The following RGS6 variants were observed in gnomAD, a reference collection of about 807,000 sequenced individuals.
The protein encoded by RGS6 is regulator of G-protein signaling 6.
Under a neutral mutation model 78.5 loss-of-function variants are expected in RGS6, and 30 were observed. The observed-to-expected ratio is 0.38, with a 90% CI of 0.29 to 0.52. The LOEUF (loss-of-function observed/expected upper bound fraction) is 0.52. Among genes scored for constraint, RGS6 ranks in the 20% least tolerant of loss-of-function variants. RGS6 has a pLI of 0.85. For synonymous variants in RGS6, 206 were observed against 206.0 expected, an observed-to-expected ratio of 1.00 and a Z score of 0.00; for missense variants, 495 against 609.7, an observed-to-expected ratio of 0.81 and a Z score of 1.98.
intron 3 of RGS6, among the ~76,000 whole-genome samples, chr14:72,414,965 G>A (rs59042247): frequency 0.021 from 3,219 of 152,184 alleles, 51 homozygotes; most frequent in Non-Finnish European, 0.032. Context: ...TGCCCCTACT[G>A]GGGGGGTGCC....
chr14:71,964,220 G>A (rs1314671275), intron 1 of RGS6, among the ~76,000 whole-genome samples: 1 of 152,194 alleles, frequency 6.6e-6, no homozygotes, highest in Non-Finnish European at 1.5e-5. Flanking sequence ...ATTTAAGACT[G>A]CCGTGGCTGG....
chr14:72,021,297 C>T (rs935738289), intron 2 of RGS6, among the ~76,000 whole-genome samples: 2 of 152,146 alleles, frequency 1.3e-5, no homozygotes, highest in African/African-American at 4.8e-5. Flanking sequence ...GTGCCAGCCT[C>T]CTCAATGATC....
intron 2 of RGS6, among the ~76,000 whole-genome samples, chr14:72,241,377 C>G (rs1310207366): frequency 6.6e-6 from 1 of 152,170 alleles, no homozygotes. Flanking sequence ...ATCCAGCTCT[C>G]CAGACAATAG....
intron 6 of RGS6, among the ~76,000 whole-genome samples, chr14:72,461,409 G>A (rs2095777722): frequency 3.3e-5 from 5 of 152,130 alleles, no homozygotes; most frequent in Admixed American, 3.3e-4. Context: ...TTTTAATTGT[G>A]CATCATGAAC....
In RGS6 at chr14:72,167,207, C is replaced by T. The variant is rs112027672; in HGVS notation, c.85-184888C>T. On this transcript the variant is annotated intron_variant, in intron 2 of 17. Transcript: ENST00000553525. ...TTGGTAGAATTCAGTTCCCTTAGGA[C>T]GGTTGGACTGGGGGGCCTCAGCTCC... Among the ~76,000 whole-genome samples the T allele has an allele frequency of 2.9e-3, 444 of 152,310 alleles. 1 individual carries two copies. Among genetic ancestry groups the T allele is most frequent in the African/African-American group, 9.9e-3 (411 of 41,570 alleles).
At chr14:71,901,354 C>T in the RGS6 span, among the ~76,000 whole-genome samples, 21 of 152,238 alleles carry the variant, frequency 1.4e-4, no homozygotes, top group East Asian at 3.3e-3. Flanking sequence ...TTTCTCTTAG[C>T]TTCAGTTTTC....
intron 1 of RGS6, among the ~76,000 whole-genome samples, chr14:71,951,604 C>A (rs12891745): frequency 2.0e-5 from 3 of 152,022 alleles, no homozygotes; most frequent in African/African-American, 7.2e-5. Flanking sequence ...TATTTCTAAC[C>A]ATTTGCATTA....
chr14:72,485,379 C>T (rs2096468345), intron 12 of RGS6, among the ~76,000 whole-genome samples: 1 of 152,174 alleles, frequency 6.6e-6, no homozygotes, highest in African/African-American at 2.4e-5. Flanking sequence ...TCCTCTCCTA[C>T]CTCTAGTCTT....
chr14:72,240,042 G>T (rs183225196), intron 2 of RGS6, among the ~76,000 whole-genome samples: 1 of 152,138 alleles, frequency 6.6e-6, no homozygotes, highest in African/African-American at 2.4e-5. Context: ...ACACACACAC[G>T]CTTAAAGCTC....
At chr14:72,356,595 A>G (rs925049743) in intron 3 of RGS6, among the ~76,000 whole-genome samples, 1 of 152,154 alleles carries the variant, frequency 6.6e-6, no homozygotes, top group Non-Finnish European at 1.5e-5. Context: ...CCCAAATCTC[A>G]TCTTGAATTG....
chr14:72,108,489 T>C (rs934849841), intron 2 of RGS6, among the ~76,000 whole-genome samples: 1 of 151,938 alleles, frequency 6.6e-6, no homozygotes, highest in African/African-American at 2.4e-5. Flanking sequence ...TTTTAAAATT[T>C]GTTATGTTTT....
intron 7 of RGS6, among the ~76,000 whole-genome samples, chr14:72,467,406 C>T (rs1240322704): frequency 6.6e-6 from 1 of 152,162 alleles, no homozygotes; most frequent in Non-Finnish European, 1.5e-5. Context: ...CCTGCTTTTA[C>T]TGCCTCAGTC....
chr14:72,232,256 G>A (rs1282222234), intron 2 of RGS6, among the ~76,000 whole-genome samples: 2 of 152,196 alleles, frequency 1.3e-5, no homozygotes, highest in Non-Finnish European at 2.9e-5. Context: ...TCAAGATGGA[G>A]ACAGGATGGG....
the RGS6 span, among the ~76,000 whole-genome samples, chr14:71,924,096 G>A: frequency 6.6e-6 from 1 of 151,694 alleles, no homozygotes; most frequent in Admixed American, 6.6e-5. Context: ...CCAGGCTGGA[G>A]TGCAGTGGTG....
intron 2 of RGS6, among the ~76,000 whole-genome samples, chr14:72,108,144 G>C (rs2095672562): frequency 6.6e-6 from 1 of 152,064 alleles, no homozygotes; most frequent in African/African-American, 2.4e-5. Flanking sequence ...AGAATACCTT[G>C]TGTTCTTACA....
At chr14:72,617,701 C>T in the RGS6 span, among the ~76,000 whole-genome samples, 2 of 152,148 alleles carry the variant, frequency 1.3e-5, no homozygotes, top group Non-Finnish European at 2.9e-5. Flanking sequence ...AGCAATTAGC[C>T]TAGAGAGGAG....
At chr14:72,518,705 G>A (rs1352146982) in intron 15 of RGS6, among the ~76,000 whole-genome samples, 168 bp downstream of exon 15, 3 of 152,168 alleles carry the variant, frequency 2.0e-5, no homozygotes, top group Admixed American at 2.0e-4. Context: ...CAAAATCCCA[G>A]GATCGTTTTC....
At position 72,055,213 on chromosome 14, in the gene RGS6, G is replaced by A. The variant is rs1047348922; in HGVS notation, c.84+90338G>A. The stretch of plus-strand genomic sequence containing the variant: ...CAACTTTACAAAAGAATGGGAAAGC[G>A]CTTTCAGGGTCGCTATATCCATTTA... On this transcript the variant is annotated intron_variant, in intron 2 of 17. Coordinates refer to ENST00000553525, the MANE Select transcript of RGS6 (RefSeq NM_001204424.2). 2.6e-4 allele frequency among the ~76,000 whole-genome samples: 40 copies of A among 152,110 alleles called. No individual in the cohort carries two copies. The East Asian group carries it at 3.1e-3, about 12-fold the overall frequency.
the RGS6 span, among the ~76,000 whole-genome samples, chr14:72,627,962 T>C: frequency 6.6e-6 from 1 of 152,162 alleles, no homozygotes; most frequent in Non-Finnish European, 1.5e-5. Flanking sequence ...CTGTTAATTA[T>C]GTGTGTTAGT....
Sources: allele counts gnomAD v4.1 joint callset (sites outside exome capture counted in the v4.1 genomes callset), GRCh38; gene constraint gnomAD v4.1.1; transcripts MANE v1.5; gene names NCBI Gene and HGNC (gene_info 2026-07-23, HGNC 2026-07-21).